The following PRKDC variants were observed in gnomAD, a reference collection of about 807,000 sequenced individuals.
PRKDC encodes DNA-dependent protein kinase catalytic subunit.
Under a neutral mutation model 486.9 loss-of-function variants are expected in PRKDC, and 82 were observed. The ratio of observed to expected loss-of-function variants is 0.17; its 90% confidence interval spans 0.14 to 0.20. The LOEUF is 0.20. PRKDC is among the 10% of genes least tolerant of loss of function. The pLI, the probability that PRKDC is intolerant of heterozygous loss-of-function variation, is 1.00. For missense variants in PRKDC, 4,504 were observed against 5,038.2 expected, an observed-to-expected ratio of 0.89 and a Z score of 3.21; for synonymous variants, 1,895 against 1,837.0, an observed-to-expected ratio of 1.03 and a Z score of -0.81.
At chr8:47,793,763 T>A (rs926185071) in intron 74 of PRKDC, among the ~76,000 whole-genome samples, 1 of 146,194 alleles carries the variant, frequency 6.8e-6, no homozygotes. Context: ...ATGAGGCAGA[T>A]CTGCTCATAA....
intron 74 of PRKDC, among the ~76,000 whole-genome samples, chr8:47,793,159 T>C (rs558346733): frequency 2.0e-5 from 3 of 152,328 alleles, no homozygotes; most frequent in African/African-American, 7.2e-5. Context: ...GTTGGTATTA[T>C]AGGCACAGAC....
At chr8:47,792,459 C>T (rs1035649305) in intron 74 of PRKDC, among the ~76,000 whole-genome samples, 4 of 151,938 alleles carry the variant, frequency 2.6e-5, no homozygotes, top group Admixed American at 6.6e-5. Flanking sequence ...GGGGTTTCAC[C>T]GCATTAGCCA....
intron 50 of PRKDC, 140 bp downstream of exon 50, chr8:47,855,082 C>T (rs866536307): frequency 1.1e-6 from 1 of 907,094 alleles, no homozygotes; most frequent in Non-Finnish European, 1.6e-6. Context: ...ACTCTGGAGG[C>T]TGTGGTTTTA....
intron 39 of PRKDC, among the ~76,000 whole-genome samples, chr8:47,878,874 T>C (rs1475995263): frequency 6.6e-6 from 1 of 152,116 alleles, no homozygotes; most frequent in Non-Finnish European, 1.5e-5. Context: ...AAAACACCAA[T>C]GTATTTCATG....
In PRKDC at chr8:47,783,713, GGGACTGGGTCACACACCCTCAC is replaced by G. The variant is rs1430126335; in HGVS notation, c.11175+7_11175+28del. The G allele has an allele frequency of 6.2e-7, 1 of 1,612,136 alleles. No homozygotes were observed. Among genetic ancestry groups the G allele is most frequent in the Non-Finnish European group, 8.5e-7 (1 of 1,178,254 alleles). ...CATCTGAAGAACGTTCATCAGGACA[GGGACTGGGTCACACACCCTCAC>G]ACCTACCCGCTCATCAAACCCGGCG... On this transcript the variant is annotated splice_region_variant and intron_variant, in intron 78 of 85. Coordinates refer to ENST00000314191, the MANE Select transcript of PRKDC (RefSeq NM_006904.7).
At chr8:47,781,981 AC>A (rs2086706614) in intron 80 of PRKDC, among the ~76,000 whole-genome samples, 180 bp downstream of exon 80, 1 of 152,244 alleles carries the variant, frequency 6.6e-6, no homozygotes, top group Non-Finnish European at 1.5e-5. Context: ...ATTTTGTATT[AC>A]GGTAAAATAT....
intron 68 of PRKDC, 26 bp downstream of exon 68, chr8:47,817,424 T>C: frequency 6.9e-7 from 1 of 1,452,620 alleles, no homozygotes; most frequent in Non-Finnish European, 9.5e-7. Flanking sequence ...ACAATCCACA[T>C]TTGACTGAAA....
Position 47,820,823 on chromosome 8 carries a change from G to C in PRKDC, c.9232C>G (p.Leu3078Val). 4 of 1,613,526 alleles carry C rather than the reference G, an allele frequency of 2.5e-6. No homozygotes were observed. In the South Asian group the frequency reaches 4.4e-5, roughly 18 times the overall value. Residue 3078 changes from leucine (L) to valine (V), a missense_variant, in exon 66 of 86, where the codon CTA becomes GTA. Coordinates refer to ENST00000314191, the MANE Select transcript of PRKDC (RefSeq NM_006904.7). ...AMHGELQKAI[L>V]ELHYSQELSL... ...AGCTCTTGACTGTAATGAAGCTCTA[G>C]AATCGCCTTCTGGAGCTCCCCGTGC...
intron 11 of PRKDC, among the ~76,000 whole-genome samples, chr8:47,937,396 T>C (rs530056659): frequency 1.3e-5 from 2 of 152,344 alleles, no homozygotes; most frequent in South Asian, 2.1e-4. Flanking sequence ...GTTTAGACAG[T>C]GGGTACTGAG....
intron 10 of PRKDC, among the ~76,000 whole-genome samples, chr8:47,941,381 G>C (rs965613032): frequency 2.6e-5 from 4 of 152,166 alleles, no homozygotes; most frequent in African/African-American, 7.2e-5. Flanking sequence ...GGGTGGAGCT[G>C]ACCACACCTG....
rs181688091 is a variant in PRKDC, at chr8:47,798,348, T to C, written c.10347A>G (p.Lys3449=). Residue 3449 remains lysine (K), a synonymous_variant, in exon 73 of 86, where the codon AAA becomes AAG. Coordinates refer to ENST00000314191, the MANE Select transcript of PRKDC (RefSeq NM_006904.7). ...LQAYPALVVE[K]MLKALKLNSN... ...AATTTAATTTTAAAGCTTTCAACAT[T>C]TTCTCCACCACAAGTGCTGGATACG... is the stretch of plus-strand genomic sequence containing the variant. The C allele has an allele frequency of 5.0e-6, 8 of 1,612,206 alleles. No homozygotes were observed. The African/African-American group carries it at 1.1e-4, about 21-fold the overall frequency.
chr8:47,830,870 A>G, intron 60 of PRKDC, 134 bp from the exon 61 acceptor site: 2 of 1,079,892 alleles, frequency 1.9e-6, no homozygotes, highest in East Asian at 4.8e-5. Context: ...GCAGAGGCTC[A>G]GTCGCCGTAC....
At chr8:47,836,718 A>C (rs895338147) in intron 57 of PRKDC, among the ~76,000 whole-genome samples, 191 bp from the exon 58 acceptor site, 2 of 152,240 alleles carry the variant, frequency 1.3e-5, no homozygotes, top group East Asian at 3.8e-4. Context: ...TAGAAAAACT[A>C]GTTAACTATC....
intron 32 of PRKDC, among the ~76,000 whole-genome samples, chr8:47,889,598 G>A (rs2089413511): frequency 6.6e-6 from 1 of 152,234 alleles, no homozygotes; most frequent in Non-Finnish European, 1.5e-5. Context: ...GAGATTCCCT[G>A]AATGAACTGA....
intron 85 of PRKDC, among the ~76,000 whole-genome samples, chr8:47,775,299 T>C (rs2086588387): frequency 6.6e-6 from 1 of 151,996 alleles, no homozygotes; most frequent in African/African-American, 2.4e-5. Flanking sequence ...TGAGCATTTT[T>C]GCATGCCGCT....
intron 52 of PRKDC, among the ~76,000 whole-genome samples, chr8:47,850,456 T>C (rs1471670126): frequency 6.6e-6 from 1 of 152,150 alleles, no homozygotes; most frequent in African/African-American, 2.4e-5. Context: ...CATGAAAATA[T>C]TGCAAAACCA....
chr8:47,929,302 A>C (rs917803626), intron 18 of PRKDC, 124 bp from the exon 19 acceptor site: 11 of 696,030 alleles, frequency 1.6e-5, no homozygotes, highest in Non-Finnish European at 2.7e-5. Context: ...TCTAATGAAG[A>C]CAGGAGGCAG....
intron 39 of PRKDC, among the ~76,000 whole-genome samples, chr8:47,878,251 G>GC (rs1249276869): frequency 2.0e-5 from 3 of 151,730 alleles, no homozygotes; most frequent in Non-Finnish European, 2.9e-5. Flanking sequence ...GACTACAGGC[G>GC]CCCGCCACCA....
At position 47,927,191 on chromosome 8, in the gene PRKDC, T is replaced by C. The variant is rs1381671515; in HGVS notation, c.2419+3A>G. The C allele has an allele frequency of 5.6e-6, 9 of 1,612,710 alleles. No individual in the cohort carries two copies. Among genetic ancestry groups the C allele is most frequent in the Non-Finnish European group, 7.6e-6 (9 of 1,178,878 alleles). On this transcript the variant is annotated splice_donor_region_variant and intron_variant, in intron 21 of 85. Coordinates refer to ENST00000314191, the MANE Select transcript of PRKDC (RefSeq NM_006904.7). The stretch of plus-strand genomic sequence containing the variant: ...TACACATCACAATTCTTCTAAACAT[T>C]ACCTGACAAGGCTGAAGTCTTCAGG...
Sources: gnomAD v4.1 joint callset for allele counts (sites outside exome capture counted in the v4.1 genomes callset) on GRCh38, gnomAD v4.1.1 for gene constraint, MANE v1.5 for transcripts, NCBI Gene and HGNC (gene_info 2026-07-23, HGNC 2026-07-21) for gene names.